The following TBC1D22A variants were observed in gnomAD, a reference collection of about 807,000 sequenced individuals.
TBC1D22A encodes putative GTPase activator.
TBC1D22A carries 38 observed loss-of-function variants against 60.2 expected under a neutral mutation model. The ratio of observed to expected loss-of-function variants is 0.63; its 90% CI spans 0.49 to 0.83. The LOEUF (loss-of-function observed/expected upper bound fraction) is 0.83, where lower values mean the gene tolerates loss of function less well. Among genes scored for constraint, TBC1D22A ranks in the 40% least tolerant of loss-of-function variants. The pLI is 0.00. For synonymous variants in TBC1D22A, 302 were observed against 281.7 expected, an observed-to-expected ratio of 1.07 and a Z score of -0.72; for missense variants, 628 against 701.0, an observed-to-expected ratio of 0.90 and a Z score of 1.18.
At chr22:46,819,237 C>T (rs530071543) in intron 4 of TBC1D22A, among the ~76,000 whole-genome samples, 73 of 152,266 alleles carry the variant, frequency 4.8e-4, no homozygotes, top group African/African-American at 1.7e-3. Flanking sequence ...TTTCTCTTGC[C>T]TGATTGCCCT....
chr22:46,929,124 AAAAG>A (rs1378034123), intron 8 of TBC1D22A, among the ~76,000 whole-genome samples: 11 of 152,248 alleles, frequency 7.2e-5, no homozygotes, highest in African/African-American at 2.4e-4. Context: ...AACAGGTTGA[AAAAG>A]AAAGTGGAAG....
intron 8 of TBC1D22A, among the ~76,000 whole-genome samples, chr22:46,939,549 T>C (rs2071862573): frequency 6.6e-6 from 1 of 152,168 alleles, no homozygotes; most frequent in Non-Finnish European, 1.5e-5. Context: ...CTAAAAGCAA[T>C]CAAGAGATAA....
chr22:47,076,261 C>T (rs866108475), intron 11 of TBC1D22A, among the ~76,000 whole-genome samples: 13 of 151,500 alleles, frequency 8.6e-5, no homozygotes, highest in Middle Eastern at 6.9e-3. Context: ...AAAAATTGAG[C>T]ACATGGAAGG....
rs189868465 is a variant in TBC1D22A at position 47,169,908 on chromosome 22, T to C, written c.1426-3590T>C. Among the ~76,000 whole-genome samples the C allele has an allele frequency of 2.0e-3, 300 of 152,348 alleles. 3 individuals carry two copies. Among genetic ancestry groups the C allele is most frequent in the African/African-American group, 6.8e-3 (284 of 41,588 alleles). ...GCAGGCCTCTCTCCACCTGCCCTCC[T>C]GGACAGGCAGCACCGTCATTGCTGG... On this transcript the variant is annotated intron_variant, in intron 12 of 12. Coordinates refer to ENST00000337137, the MANE Select transcript of TBC1D22A (RefSeq NM_014346.5).
intron 12 of TBC1D22A, 86 bp from the exon 13 acceptor site, chr22:47,173,412 T>G: frequency 6.4e-7 from 1 of 1,556,966 alleles, no homozygotes; most frequent in Non-Finnish European, 8.8e-7. Flanking sequence ...GACCTGGGCT[T>G]GTATCTTTCC....
Position 46,943,604 on chromosome 22 carries a change from A to G in TBC1D22A, c.1016-30686A>G, listed in dbSNP as rs536527034. Among the ~76,000 whole-genome samples, 71 of 152,282 alleles carry G rather than the reference A, an allele frequency of 4.7e-4. 1 individual carries two copies. The highest frequency in any genetic ancestry group is 1.6e-3 in the African/African-American group (67 of 41,564). On this transcript the variant is annotated intron_variant, in intron 8 of 12. Coordinates refer to ENST00000337137, the MANE Select transcript of TBC1D22A (RefSeq NM_014346.5). Reference sequence around the variant, plus strand: ...TGTCTGTCTCCCATTTAATGCGTATAATTCAGTGGTTTTTAGTGTCTTCAC... The same window carrying G: ...TGTCTGTCTCCCATTTAATGCGTATGATTCAGTGGTTTTTAGTGTCTTCAC...
rs374598652 is a variant in TBC1D22A, at chr22:47,016,826, A to G, written c.1201+19117A>G. Among the ~76,000 whole-genome samples, 13 of 151,444 alleles carry G rather than the reference A, an allele frequency of 8.6e-5. No homozygotes were observed. In the East Asian group the frequency reaches 2.5e-3, roughly 29 times the overall value. On this transcript the variant is annotated intron_variant, in intron 10 of 12. Transcript: ENST00000337137. The stretch of plus-strand genomic sequence containing the variant: ...GCCTGGGTGGCATGCGGAGGGGGCT[A>G]CCGGCCTGCCTCCTGCAGAGCTGCT...
intron 11 of TBC1D22A, among the ~76,000 whole-genome samples, chr22:47,088,104 T>A (rs1219684094): frequency 2.3e-5 from 3 of 131,616 alleles, no homozygotes; most frequent in Non-Finnish European, 4.9e-5. Context: ...ATAATAAATT[T>A]AAAAAAGATT....
intron 11 of TBC1D22A, among the ~76,000 whole-genome samples, chr22:47,062,673 G>A (rs914953078): frequency 2.6e-5 from 4 of 152,170 alleles, no homozygotes; most frequent in South Asian, 2.1e-4. Context: ...ATCCCTGGTC[G>A]ACCTTAGGAA....
chr22:47,047,481 G>C (rs2063068593), intron 11 of TBC1D22A, among the ~76,000 whole-genome samples: 1 of 152,194 alleles, frequency 6.6e-6, no homozygotes, highest in Non-Finnish European at 1.5e-5. Flanking sequence ...CAAACCTTCA[G>C]CACAGCTGGT....
At position 46,797,526 on chromosome 22, in the gene TBC1D22A, C is replaced by T; in HGVS notation, c.543C>T (p.Asp181=). The change falls in exon 4 of 13, where the codon GAC becomes GAT. Residue 181 remains aspartate (D), a synonymous_variant. Transcript: ENST00000337137. The part of the protein sequence containing the change: ...SATVTLGGTS[D]PSTLSSSALS... ...CCGTCACGCTGGGTGGCACATCTGA[C>T]CCCAGCACTCTCAGCAGCTCAGCGC... 6.2e-7 allele frequency: 1 copy of T among 1,614,086 alleles called. No individual in the cohort carries two copies. The highest frequency in any genetic ancestry group is 8.5e-7 in the Non-Finnish European group (1 of 1,180,040).
intron 11 of TBC1D22A, among the ~76,000 whole-genome samples, chr22:47,079,912 A>G (rs2064391760): frequency 6.6e-6 from 1 of 152,248 alleles, no homozygotes; most frequent in South Asian, 2.1e-4. Flanking sequence ...AATAACATGG[A>G]TAGAAAAAAT....
At chr22:47,169,607 T>C (rs1433367925) in intron 12 of TBC1D22A, among the ~76,000 whole-genome samples, 3 of 152,052 alleles carry the variant, frequency 2.0e-5, no homozygotes, top group Non-Finnish European at 2.9e-5. Flanking sequence ...ACACTCGGTG[T>C]CCACTGGAAG....
intron 11 of TBC1D22A, among the ~76,000 whole-genome samples, chr22:47,100,994 T>C (rs1341627634): frequency 4.6e-5 from 7 of 152,160 alleles, no homozygotes; most frequent in Non-Finnish European, 1.5e-5. Flanking sequence ...CATATTTCTC[T>C]TCCATTGCAA....
intron 4 of TBC1D22A, among the ~76,000 whole-genome samples, chr22:46,847,482 C>G (rs374813281): frequency 1.8e-4 from 28 of 152,302 alleles, no homozygotes; most frequent in East Asian, 1.5e-3. Context: ...ATTTTCTGCA[C>G]GTTGAGAATG....
At chr22:46,905,450 TAAAGCAGCAG>T (rs1369547283) in intron 7 of TBC1D22A, among the ~76,000 whole-genome samples, 1 of 152,202 alleles carries the variant, frequency 6.6e-6, no homozygotes, top group Non-Finnish European at 1.5e-5. Flanking sequence ...AGCAAGTTGG[TAAAGCAGCAG>T]ATTGATTTGG....
intron 8 of TBC1D22A, among the ~76,000 whole-genome samples, chr22:46,912,559 T>C (rs189858372): frequency 6.7e-6 from 1 of 148,894 alleles, no homozygotes; most frequent in East Asian, 1.9e-4. Context: ...TATCTGTTTA[T>C]CTATCTGTTT....
intron 12 of TBC1D22A, among the ~76,000 whole-genome samples, chr22:47,133,188 C>T (rs989821997): frequency 5.9e-5 from 9 of 152,230 alleles, no homozygotes; most frequent in African/African-American, 1.9e-4. Flanking sequence ...GTTTTCTCAG[C>T]GGTTCCCAAG....
intron 8 of TBC1D22A, chr22:46,915,331 C>T (rs987061608): frequency 4.5e-6 from 2 of 447,292 alleles, no homozygotes; most frequent in Admixed American, 2.4e-5. Context: ...GCTGGGTCTT[C>T]AAGCCGGTAA....
Sources: allele counts gnomAD v4.1 joint callset (sites outside exome capture counted in the v4.1 genomes callset), GRCh38; gene constraint gnomAD v4.1.1; transcripts MANE v1.5; gene names NCBI Gene and HGNC (gene_info 2026-07-23, HGNC 2026-07-21).